CFAP57: variants seen among roughly 807,000 people sequenced by gnomAD.
The protein encoded by CFAP57 is cilia- and flagella-associated protein 57.
In CFAP57, 116 loss-of-function variants were observed where a neutral mutation model predicts 146.8. The observed-to-expected ratio is 0.79, with a 90% CI of 0.68 to 0.92. CFAP57 has a LOEUF of 0.92. Ranked by LOEUF, CFAP57 falls within the 40% of genes least tolerant of loss-of-function variation. The pLI is 0.00. For missense variants in CFAP57, 1,377 were observed against 1,527.2 expected, an observed-to-expected ratio of 0.90 and a Z score of 1.64; for synonymous variants, 518 against 552.8, an observed-to-expected ratio of 0.94 and a Z score of 0.88.
chr1:43,213,772 A>C (rs1281334494), intron 11 of CFAP57, among the ~76,000 whole-genome samples: 1 of 151,816 alleles, frequency 6.6e-6, no homozygotes, highest in African/African-American at 2.4e-5. Context: ...ATGGTATCTC[A>C]TGGTGGTTTT....
At chr1:43,232,092 G>C (rs1362801157) in intron 18 of CFAP57, 1 of 701,784 alleles carries the variant, frequency 1.4e-6, no homozygotes, top group Non-Finnish European at 2.6e-6. Context: ...AGTGGCCCCA[G>C]AGGGTCGAGA....
At chr1:43,198,298 A>G (rs1343127001) in intron 7 of CFAP57, among the ~76,000 whole-genome samples, 183 bp from the exon 8 acceptor site, 3 of 152,228 alleles carry the variant, frequency 2.0e-5, no homozygotes, top group African/African-American at 7.2e-5. Flanking sequence ...CAGTCTCCCT[A>G]TCTACCATGC....
At chr1:43,250,328 T>C (rs1646291215) in intron 22 of CFAP57, 1 of 152,164 alleles carries the variant, frequency 6.6e-6, no homozygotes, top group Non-Finnish European at 1.5e-5. Context: ...AAATTTTGGG[T>C]AAAGCAGTGT....
rs182124775 is a variant in CFAP57, at chr1:43,175,575, A to G, written c.157+2665A>G. 3.0e-4 allele frequency among the ~76,000 whole-genome samples: 46 copies of G among 152,028 alleles called. No homozygotes were observed. In the East Asian group the frequency reaches 8.1e-3, roughly 27 times the overall value. On this transcript the variant is annotated intron_variant, in intron 2 of 22. Transcript: ENST00000372492. ...GCCCAGGCTGGAGTGCACTGGCACA[A>G]TCATAGCTCACAGCAGTCTCAAACT...
intron 22 of CFAP57, among the ~76,000 whole-genome samples, chr1:43,248,608 C>A (rs1021383904): frequency 2.0e-5 from 3 of 152,044 alleles, no homozygotes; most frequent in African/African-American, 7.2e-5. Flanking sequence ...ACATGAGCCA[C>A]AGTACCCGGC....
chr1:43,210,020 C>A (rs1398915121), intron 11 of CFAP57, 104 bp downstream of exon 11: 2 of 1,613,606 alleles, frequency 1.2e-6, no homozygotes, highest in Non-Finnish European at 1.7e-6. Context: ...CTTCTTCTCT[C>A]TTATTTATTC....
At chr1:43,250,094 C>G (rs1000043393) in intron 22 of CFAP57, 1 of 152,300 alleles carries the variant, frequency 6.6e-6, no homozygotes, top group Non-Finnish European at 1.5e-5. Context: ...GACTTTTTCA[C>G]CTAACGTATG....
intron 10 of CFAP57, among the ~76,000 whole-genome samples, chr1:43,207,347 G>C (rs1644401443): frequency 6.6e-6 from 1 of 152,154 alleles, no homozygotes. Context: ...AGATTGTAAT[G>C]CCATAAGATT....
intron 2 of CFAP57, among the ~76,000 whole-genome samples, chr1:43,178,840 G>A (rs1645270931): frequency 6.6e-6 from 1 of 152,178 alleles, no homozygotes. Flanking sequence ...GCACACGTAT[G>A]TTTATTGTGG....
chr1:43,209,994 A>G (rs1217894077), intron 11 of CFAP57, 78 bp downstream of exon 11: 6 of 1,612,702 alleles, frequency 3.7e-6, no homozygotes, highest in Non-Finnish European at 5.1e-6. Context: ...CAACCTCCCA[A>G]TGTCTTTTCT....
chr1:43,188,799 T>A (rs1202243415), intron 6 of CFAP57, among the ~76,000 whole-genome samples: 2 of 152,220 alleles, frequency 1.3e-5, no homozygotes, highest in African/African-American at 4.8e-5. Flanking sequence ...CTTTTGTTGG[T>A]TGTGCTTTCC....
At chr1:43,224,518 C>T (rs1182741935) in intron 17 of CFAP57, among the ~76,000 whole-genome samples, 2 of 152,174 alleles carry the variant, frequency 1.3e-5, no homozygotes, top group Non-Finnish European at 2.9e-5. Context: ...CAATAAGAAC[C>T]GAGTCAGCTG....
intron 9 of CFAP57, among the ~76,000 whole-genome samples, 193 bp downstream of exon 9, chr1:43,199,696 A>C (rs1011501461): frequency 3.7e-4 from 57 of 152,258 alleles, no homozygotes; most frequent in African/African-American, 1.3e-3. Context: ...AAAGAAAAAC[A>C]TGGTGTTGTT....
In CFAP57 at chr1:43,219,399, G is replaced by C; in HGVS notation, c.2109G>C (p.Glu703Asp). ...TCCCAAAGGCTCAGGTTATGTTGGA[G>C]CTAAAGACTCGTGTGGAGGAATTAA... ...DMEEKAQVML[E>D]LKTRVEELKM... is the part of the protein sequence containing the mutation. Residue 703 changes from glutamate to aspartate, a missense_variant, in exon 13 of 23, where the codon GAG (glutamate) becomes GAC (aspartate). Transcript: ENST00000372492. 1.3e-6 allele frequency: 2 copies of C among 1,550,544 alleles called. No homozygotes were observed. The highest frequency in any genetic ancestry group is 1.7e-6 in the Non-Finnish European group (2 of 1,146,882).
At chr1:43,240,034 A>C (rs1645849926) in intron 21 of CFAP57, among the ~76,000 whole-genome samples, 1 of 152,254 alleles carries the variant, frequency 6.6e-6, no homozygotes, top group Non-Finnish European at 1.5e-5. Context: ...GTCATGATAT[A>C]AAGTCTGCAA....
Position 43,221,461 on chromosome 1 carries a change from C to T in CFAP57, c.2337C>T (p.Asp779=). ...ACAAGCAAAGCCGGGAACTGCAGGA[C>T]ATGGGTGAGCCCACAAGTAGAGGCC... ...LLDKQSRELQ[D]MECCNNQKLL... is the part of the protein sequence containing the mutation. Residue 779 remains aspartate, a synonymous_variant, in exon 14 of 23, where the codon GAC becomes GAT. Coordinates refer to ENST00000372492, the MANE Select transcript of CFAP57 (RefSeq NM_001378189.1). 6.6e-7 allele frequency: 1 copy of T among 1,524,506 alleles called. No individual in the cohort carries two copies. The highest frequency in any genetic ancestry group is 1.7e-4 in the Middle Eastern group (1 of 5,844). 94.4% of individuals were successfully genotyped at this position (1,524,506 alleles called of 1,614,324 possible). A position where few individuals can be genotyped will look rare whatever the true frequency, so the allele number is the denominator to read the frequency against.
At chr1:43,187,004 T>G in intron 6 of CFAP57, 145 bp downstream of exon 6, 2 of 966,724 alleles carry the variant, frequency 2.1e-6, no homozygotes, top group Non-Finnish European at 3.1e-6. Context: ...AATTCTAATT[T>G]TAAGATATTC....
Position 43,183,586 on chromosome 1 carries a change from T to C in CFAP57, c.475-5T>C. 1 of 1,613,716 alleles carries C rather than the reference T, an allele frequency of 6.2e-7. No individual in the cohort carries two copies. ...TTTTTTCTTCAATTCTCTCACATTT[T>C]ACAGGTGAGCTTCAGTCCACAGGAT... On this transcript the variant is annotated splice_region_variant and splice_polypyrimidine_tract_variant and intron_variant, in intron 3 of 22. Transcript: ENST00000372492.
chr1:43,213,590 G>A (rs901232404), intron 11 of CFAP57, among the ~76,000 whole-genome samples: 3 of 151,948 alleles, frequency 2.0e-5, no homozygotes, highest in Non-Finnish European at 2.9e-5. Flanking sequence ...TTGCAGGATT[G>A]TATGGTAGTT....
Sources: allele counts gnomAD v4.1 joint callset (sites outside exome capture counted in the v4.1 genomes callset), GRCh38; gene constraint gnomAD v4.1.1; transcripts MANE v1.5; gene names NCBI Gene and HGNC (gene_info 2026-07-23, HGNC 2026-07-21).